The following CDH12 variants were observed in gnomAD, a reference collection of about 807,000 sequenced individuals.
CDH12 encodes cadherin 12.
CDH12 carries 41 observed loss-of-function variants against 74.1 expected under a neutral mutation model. The observed-to-expected ratio is 0.55, with a 90% CI of 0.43 to 0.72. The LOEUF (loss-of-function observed/expected upper bound fraction) is 0.72. CDH12 is among the 30% of genes least tolerant of loss of function. The probability of loss-of-function intolerance (pLI) is 0.00; values close to 1 mark genes in which losing one functional copy is unlikely to be tolerated. For synonymous variants in CDH12, 399 were observed against 355.0 expected, an observed-to-expected ratio of 1.12 and a Z score of -1.39; for missense variants, 945 against 977.2, an observed-to-expected ratio of 0.97 and a Z score of 0.44.
intron 3 of CDH12, among the ~76,000 whole-genome samples, chr5:22,355,450 T>C (rs950269550): frequency 6.6e-6 from 1 of 151,330 alleles, no homozygotes; most frequent in African/African-American, 2.4e-5. Flanking sequence ...AAATAAGACT[T>C]CAAGTAGTAA....
chr5:22,747,378 G>A (rs539706668), intron 1 of CDH12, among the ~76,000 whole-genome samples: 7 of 150,294 alleles, frequency 4.7e-5, no homozygotes, highest in Non-Finnish European at 1.0e-4. Context: ...AATCTGAGCA[G>A]TTTAGGAGGC....
At chr5:21,863,174 C>A (rs1275863840) in intron 6 of CDH12, among the ~76,000 whole-genome samples, 1 of 152,094 alleles carries the variant, frequency 6.6e-6, no homozygotes, top group Non-Finnish European at 1.5e-5. Context: ...TAGATTCCAA[C>A]TGTGCTGCCA....
chr5:22,599,774 T>C (rs969721903), intron 1 of CDH12, among the ~76,000 whole-genome samples: 2 of 152,164 alleles, frequency 1.3e-5, no homozygotes, highest in Admixed American at 1.3e-4. Context: ...AATTGAAAGA[T>C]GTGTATAATT....
chr5:22,641,618 C>T (rs1409746674), intron 1 of CDH12, among the ~76,000 whole-genome samples: 3 of 152,116 alleles, frequency 2.0e-5, no homozygotes, highest in Non-Finnish European at 4.4e-5. Context: ...CACAGAATCC[C>T]TTCTTTGAAT....
chr5:22,542,465 G>T (rs1738148831), intron 1 of CDH12, among the ~76,000 whole-genome samples: 1 of 152,142 alleles, frequency 6.6e-6, no homozygotes, highest in Non-Finnish European at 1.5e-5. Flanking sequence ...CAATTTTACT[G>T]ATTTATAATC....
intron 6 of CDH12, among the ~76,000 whole-genome samples, chr5:21,965,420 C>T (rs1329693056): frequency 6.6e-6 from 1 of 151,982 alleles, no homozygotes; most frequent in Non-Finnish European, 1.5e-5. Flanking sequence ...ATTTTCTTGT[C>T]ATCAAAGCAT....
chr5:22,790,362 G>T (rs1747845842), intron 1 of CDH12, among the ~76,000 whole-genome samples: 1 of 152,088 alleles, frequency 6.6e-6, no homozygotes, highest in African/African-American at 2.4e-5. Context: ...AAGAAAGCTA[G>T]TACAAATCAA....
chr5:21,903,434 G>T (rs971315586), intron 6 of CDH12, among the ~76,000 whole-genome samples: 1 of 152,130 alleles, frequency 6.6e-6, no homozygotes, highest in Non-Finnish European at 1.5e-5. Flanking sequence ...TCAGCTAGGG[G>T]ACTGTCTTCA....
At chr5:22,769,744 T>C (rs78002527) in intron 1 of CDH12, among the ~76,000 whole-genome samples, 14,101 of 152,020 alleles carry the variant, frequency 0.093, 933 homozygotes, top group East Asian at 0.3. Context: ...ATGGATATAA[T>C]GGGGGAGTGG....
At chr5:22,083,203 A>G (rs1742853151) in intron 4 of CDH12, among the ~76,000 whole-genome samples, 1 of 152,226 alleles carries the variant, frequency 6.6e-6, no homozygotes, top group Non-Finnish European at 1.5e-5. Context: ...CCTTGCACGT[A>G]TTAAAATCCA....
chr5:22,737,411 CA>C (rs1238084952), intron 1 of CDH12, among the ~76,000 whole-genome samples: 1 of 151,910 alleles, frequency 6.6e-6, no homozygotes, highest in African/African-American at 2.4e-5. Flanking sequence ...TATTTAGTTT[CA>C]TTTCAGAAAC....
At chr5:22,580,607 G>T in intron 1 of CDH12, 1 of 482,846 alleles carries the variant, frequency 2.1e-6, no homozygotes, top group Non-Finnish European at 4.2e-6. Flanking sequence ...TTTTAATCCT[G>T]AAGTACATAC....
intron 4 of CDH12, among the ~76,000 whole-genome samples, chr5:22,153,546 C>T (rs1280340440): frequency 6.6e-6 from 1 of 151,284 alleles, no homozygotes; most frequent in Non-Finnish European, 1.5e-5. Context: ...GGATTTGAAA[C>T]TTAGTAACCA....
chr5:21,816,390 G>A (rs182738801), intron 9 of CDH12, among the ~76,000 whole-genome samples: 1,624 of 151,948 alleles, frequency 0.011, 16 homozygotes, highest in Non-Finnish European at 0.017. Context: ...ACTTTGGGAG[G>A]CCGAGGCAGG....
In CDH12 at chr5:22,083,237, A is replaced by G. The variant is rs921719270; in HGVS notation, c.-186-4375T>C. The stretch of plus-strand genomic sequence containing the variant: ...CAGAACTTTAATATGACATTTACGA[A>G]TTTAACAAGGCCTGCATAATCGACC... On this transcript the variant is annotated intron_variant, in intron 4 of 14. Transcript: ENST00000382254. 8.5e-5 allele frequency among the ~76,000 whole-genome samples: 13 copies of G among 152,296 alleles called. No homozygotes were observed. The East Asian group carries it at 2.3e-3, about 27-fold the overall frequency.
chr5:22,280,361 A>G (rs913590069), intron 3 of CDH12, among the ~76,000 whole-genome samples: 1 of 152,202 alleles, frequency 6.6e-6, no homozygotes, highest in African/African-American at 2.4e-5. Context: ...AAGGCAAGAA[A>G]TAACTAAGAT....
intron 4 of CDH12, among the ~76,000 whole-genome samples, chr5:22,102,875 C>CAAG (rs1322092974): frequency 2.0e-5 from 3 of 152,026 alleles, no homozygotes; most frequent in Non-Finnish European, 4.4e-5. Context: ...AATGATGCAG[C>CAAG]AAGAAGATCC....
chr5:22,562,419 G>A (rs957348092), intron 1 of CDH12, among the ~76,000 whole-genome samples: 9 of 152,028 alleles, frequency 5.9e-5, no homozygotes, highest in Non-Finnish European at 1.3e-4. Context: ...AATGAAATTG[G>A]CGTGGGCAAT....
intron 6 of CDH12, among the ~76,000 whole-genome samples, chr5:21,884,680 C>T (rs6452019): frequency 0.88 from 133,927 of 152,140 alleles, 61,160 homozygotes; most frequent in Non-Finnish European, 0.99. Flanking sequence ...AGTTAAGCAG[C>T]CTTTCTGTGG....
Sources: gnomAD v4.1 joint callset for allele counts (sites outside exome capture counted in the v4.1 genomes callset) on GRCh38, gnomAD v4.1.1 for gene constraint, MANE v1.5 for transcripts, NCBI Gene and HGNC (gene_info 2026-07-23, HGNC 2026-07-21) for gene names.